The following ME1 variants were observed in gnomAD, a reference collection of about 807,000 sequenced individuals.
ME1 encodes the protein NADP-dependent malic enzyme.
ME1 carries 74 observed loss-of-function variants against 66.4 expected under a neutral mutation model. That is an observed-to-expected ratio of 1.11 (90% CI 0.92 to 1.35). ME1 has a LOEUF of 1.35. ME1 is among the 40% of genes most tolerant of loss of function. The pLI is 0.00. For missense variants in ME1, 750 were observed against 694.1 expected (o/e 1.08, Z -0.90); for synonymous variants, 251 against 235.6 (o/e 1.07, Z -0.60).
At chr6:83,374,433 C>G (rs1478111210) in intron 3 of ME1, among the ~76,000 whole-genome samples, 1 of 152,108 alleles carries the variant, frequency 6.6e-6, no homozygotes, top group Non-Finnish European at 1.5e-5. Flanking sequence ...CCTTTGCCCA[C>G]TTTTTGATGG....
At chr6:83,429,581 C>A (rs1770442550) in intron 1 of ME1, among the ~76,000 whole-genome samples, 1 of 151,992 alleles carries the variant, frequency 6.6e-6, no homozygotes, top group Non-Finnish European at 1.5e-5. Context: ...ATCAAACTAG[C>A]AATTAAATTT....
chr6:83,229,441 G>A (rs958111077), intron 9 of ME1, among the ~76,000 whole-genome samples: 1 of 152,080 alleles, frequency 6.6e-6, no homozygotes, highest in Non-Finnish European at 1.5e-5. Flanking sequence ...GATTATGAAT[G>A]CGCCATGTGT....
intron 6 of ME1, among the ~76,000 whole-genome samples, chr6:83,282,497 C>G (rs1005563054): frequency 2.0e-5 from 3 of 151,988 alleles, no homozygotes; most frequent in Non-Finnish European, 2.9e-5. Context: ...ATGTGGCCAA[C>G]AAACATGAAA....
intron 6 of ME1, among the ~76,000 whole-genome samples, chr6:83,273,589 A>G (rs1359962789): frequency 6.6e-6 from 1 of 152,214 alleles, no homozygotes; most frequent in Non-Finnish European, 1.5e-5. Context: ...TCTATGATGA[A>G]GTATTTTCTA....
At chr6:83,280,396 T>A (rs946745517) in intron 6 of ME1, among the ~76,000 whole-genome samples, 2 of 152,204 alleles carry the variant, frequency 1.3e-5, no homozygotes, top group African/African-American at 4.8e-5. Context: ...TGAAGCAGCA[T>A]ACTATTATTT....
chr6:83,363,900 G>A (rs1769050408), intron 3 of ME1, among the ~76,000 whole-genome samples: 1 of 152,146 alleles, frequency 6.6e-6, no homozygotes, highest in Non-Finnish European at 1.5e-5. Context: ...AGGAAGGATA[G>A]TTGTATTATG....
At chr6:83,243,574 A>C (rs1410554955) in intron 7 of ME1, among the ~76,000 whole-genome samples, 1 of 55,236 alleles carries the variant, frequency 1.8e-5, no homozygotes, top group African/African-American at 1.3e-4. Context: ...ATCTATTATA[A>C]TTACATTATA....
Position 83,424,467 on chromosome 6 carries a change from C to T in ME1, c.78+6410G>A, listed in dbSNP as rs115526052. On this transcript the variant is annotated intron_variant, in intron 1 of 13. Coordinates refer to ENST00000369705, the MANE Select transcript of ME1 (RefSeq NM_002395.6). ...GGAATGAAAAATAAGGGAACAGACA[C>T]CTATGATATGATAGAAATCTGTTTA... Among the ~76,000 whole-genome samples the T allele has an allele frequency of 4.2e-3, 634 of 152,164 alleles. 5 individuals are homozygous for T. The highest frequency in any genetic ancestry group is 0.014 in the African/African-American group (584 of 41,516).
At chr6:83,244,581 G>T (rs574600183) in intron 7 of ME1, among the ~76,000 whole-genome samples, 9 of 152,148 alleles carry the variant, frequency 5.9e-5, no homozygotes, top group African/African-American at 1.9e-4. Context: ...GAGGCTGGGG[G>T]TATGCAAACA....
intron 10 of ME1, among the ~76,000 whole-genome samples, chr6:83,228,532 C>G (rs763240609): frequency 6.6e-6 from 1 of 152,098 alleles, no homozygotes; most frequent in Non-Finnish European, 1.5e-5. Context: ...AAAAATCCCT[C>G]TTATTTGAGA....
chr6:83,392,698 A>G (rs1013717862), intron 3 of ME1: 1 of 612,720 alleles, frequency 1.6e-6, no homozygotes, highest in Non-Finnish European at 3.1e-6. Flanking sequence ...CACTGAGTAC[A>G]TCATGGAGTT....
intron 12 of ME1, among the ~76,000 whole-genome samples, chr6:83,218,289 C>T (rs1028208752): frequency 3.9e-5 from 6 of 152,146 alleles, no homozygotes; most frequent in Non-Finnish European, 8.8e-5. Context: ...GGGAAATTTG[C>T]TGGAACCATG....
At chr6:83,415,361 T>G (rs1770140744) in intron 1 of ME1, among the ~76,000 whole-genome samples, 1 of 152,176 alleles carries the variant, frequency 6.6e-6, no homozygotes, top group South Asian at 2.1e-4. Context: ...AAGGGATAAT[T>G]CTATCATAGA....
chr6:83,243,104 T>A (rs559232805), intron 7 of ME1, among the ~76,000 whole-genome samples: 192 of 148,334 alleles, frequency 1.3e-3, no homozygotes, highest in African/African-American at 4.5e-3. Context: ...CCCCCAAAAA[T>A]TTTTTTTTTA....
chr6:83,413,163 T>G (rs1290235236), intron 1 of ME1, among the ~76,000 whole-genome samples: 3 of 152,206 alleles, frequency 2.0e-5, no homozygotes, highest in Non-Finnish European at 4.4e-5. Flanking sequence ...CATGCCACCA[T>G]GCTCAGCTAA....
chr6:83,342,230 C>T (rs1396736112), intron 5 of ME1, among the ~76,000 whole-genome samples: 3 of 152,160 alleles, frequency 2.0e-5, no homozygotes, highest in Non-Finnish European at 4.4e-5. Context: ...GGTCCTTGAG[C>T]GGCTGCTCAG....
At chr6:83,245,932 A>G (rs1168974141) in intron 7 of ME1, among the ~76,000 whole-genome samples, 1 of 152,320 alleles carries the variant, frequency 6.6e-6, no homozygotes, top group East Asian at 1.9e-4. Flanking sequence ...ATGTTTCAGA[A>G]TATTAATTGT....
intron 9 of ME1, among the ~76,000 whole-genome samples, chr6:83,234,819 TATC>T (rs1266992350): frequency 2.6e-5 from 4 of 152,176 alleles, no homozygotes; most frequent in South Asian, 2.1e-4. Flanking sequence ...CTTCATCTCT[TATC>T]ATCTGCTTCC....
chr6:83,361,831 A>G (rs1203623087), intron 3 of ME1, among the ~76,000 whole-genome samples: 1 of 152,118 alleles, frequency 6.6e-6, no homozygotes, highest in Non-Finnish European at 1.5e-5. Context: ...TCCATCATCA[A>G]ATGGAAGTGG....
Sources: allele counts gnomAD v4.1 joint callset (sites outside exome capture counted in the v4.1 genomes callset), GRCh38; gene constraint gnomAD v4.1.1; transcripts MANE v1.5; gene names NCBI Gene and HGNC (gene_info 2026-07-23, HGNC 2026-07-21).